NRXN3: variants seen among roughly 807,000 people sequenced by gnomAD.
NRXN3 encodes the protein neurexin III.
Under a neutral mutation model 137.6 loss-of-function variants are expected in NRXN3, and 32 were observed. The ratio of observed to expected loss-of-function variants is 0.23; its 90% confidence interval spans 0.18 to 0.31. The LOEUF is 0.31. NRXN3 is among the 10% of genes least tolerant of loss of function. NRXN3 has a pLI of 1.00. For synonymous variants in NRXN3, 798 were observed against 784.5 expected, an observed-to-expected ratio of 1.02 and a Z score of -0.29; for missense variants, 1,574 against 2,062.5, an observed-to-expected ratio of 0.76 and a Z score of 4.59.
intron 16 of NRXN3, among the ~76,000 whole-genome samples, chr14:79,483,144 T>C (rs1600959650): frequency 6.6e-6 from 1 of 152,226 alleles, no homozygotes; most frequent in Non-Finnish European, 1.5e-5. Context: ...GCTAGGTCTT[T>C]GCAGAGATTC....
At chr14:78,309,739 A>G (rs1336051096) in intron 4 of NRXN3, among the ~76,000 whole-genome samples, 6 of 152,290 alleles carry the variant, frequency 3.9e-5, no homozygotes, top group Admixed American at 3.3e-4. Flanking sequence ...ATTTTGGATG[A>G]AAATAGCTAG....
chr14:79,460,198 T>G (rs954549013), intron 15 of NRXN3, among the ~76,000 whole-genome samples: 2 of 152,138 alleles, frequency 1.3e-5, no homozygotes, highest in Non-Finnish European at 2.9e-5. Flanking sequence ...ATCGCAATAG[T>G]TGGCATCAGA....
intron 4 of NRXN3, among the ~76,000 whole-genome samples, chr14:78,534,683 G>A (rs1048060847): frequency 5.3e-5 from 8 of 152,092 alleles, no homozygotes; most frequent in Admixed American, 4.6e-4. Flanking sequence ...CCAGATTCTG[G>A]TGTAGAGTTC....
Position 78,615,922 on chromosome 14 carries a change from T to TTC in NRXN3, c.758-29198_758-29197insTC, listed in dbSNP as rs2097343482. On this transcript the variant is annotated intron_variant, in intron 4 of 20. Transcript: ENST00000335750. ...CTGAAGTAAGCTATGATTAAATCAC[T>TTC]ATACTCCAGCCTGGGTGACAAAGCA... is the stretch of plus-strand genomic sequence containing the variant. Among the ~76,000 whole-genome samples the TTC allele has an allele frequency of 2.0e-5, 3 of 152,312 alleles. No homozygotes were observed. In the South Asian group the frequency reaches 6.2e-4, roughly 32 times the overall value.
intron 19 of NRXN3, among the ~76,000 whole-genome samples, chr14:79,753,469 G>A (rs1012918055): frequency 6.7e-6 from 1 of 148,154 alleles, no homozygotes; most frequent in African/African-American, 2.5e-5. Context: ...CTATCGCAAG[G>A]ACAAAAAACA....
chr14:78,486,668 C>A (rs2095564519), intron 4 of NRXN3, among the ~76,000 whole-genome samples: 1 of 152,106 alleles, frequency 6.6e-6, no homozygotes, highest in African/African-American at 2.4e-5. Flanking sequence ...AAATGAGACC[C>A]TAAATCTGGT....
At chr14:79,336,753 C>T (rs950613293) in intron 15 of NRXN3, among the ~76,000 whole-genome samples, 2 of 152,196 alleles carry the variant, frequency 1.3e-5, no homozygotes, top group Non-Finnish European at 2.9e-5. Flanking sequence ...TCTTTCAACT[C>T]CTAAGGCATA....
intron 4 of NRXN3, among the ~76,000 whole-genome samples, chr14:78,324,184 C>G (rs975489802): frequency 2.0e-5 from 3 of 152,066 alleles, no homozygotes; most frequent in African/African-American, 7.3e-5. Flanking sequence ...GTCTTTTCAT[C>G]TGTATTATGG....
chr14:78,174,724 G>A (rs1265394663), intron 1 of NRXN3, among the ~76,000 whole-genome samples: 1 of 152,170 alleles, frequency 6.6e-6, no homozygotes. Context: ...AGCAGGGATG[G>A]TCAGTGGGGA....
intron 19 of NRXN3, among the ~76,000 whole-genome samples, chr14:79,779,586 G>C (rs555440072): frequency 2.6e-5 from 4 of 152,214 alleles, no homozygotes; most frequent in African/African-American, 9.6e-5. Flanking sequence ...CACCACTGTA[G>C]CACATGATCA....
intron 4 of NRXN3, among the ~76,000 whole-genome samples, chr14:78,394,407 A>G (rs376270330): frequency 6.6e-6 from 1 of 151,944 alleles, no homozygotes; most frequent in African/African-American, 2.4e-5. Flanking sequence ...AACAACTTGC[A>G]TCCTTGGAGT....
At chr14:78,859,702 G>A (rs369203248) in intron 10 of NRXN3, among the ~76,000 whole-genome samples, 1 of 151,936 alleles carries the variant, frequency 6.6e-6, no homozygotes, top group African/African-American at 2.4e-5. Context: ...ATCATCTCCC[G>A]AGATACTAGA....
chr14:79,656,497 G>A (rs558654988), intron 16 of NRXN3, among the ~76,000 whole-genome samples: 15 of 152,256 alleles, frequency 9.9e-5, no homozygotes, highest in Non-Finnish European at 1.8e-4. Context: ...ACTTAGAGCC[G>A]TGGTAGCTTT....
chr14:78,775,262 A>C (rs1434066857), intron 8 of NRXN3, among the ~76,000 whole-genome samples: 5 of 152,178 alleles, frequency 3.3e-5, no homozygotes, highest in Non-Finnish European at 7.3e-5. Flanking sequence ...ACATATATAC[A>C]AAGTTTAGTT....
intron 15 of NRXN3, among the ~76,000 whole-genome samples, chr14:79,364,911 A>T (rs2093823451): frequency 6.6e-6 from 1 of 152,168 alleles, no homozygotes; most frequent in South Asian, 2.1e-4. Flanking sequence ...TACTATTCAA[A>T]AATCCCCAAA....
rs28377795 is a variant in NRXN3 at position 79,269,630 on chromosome 14, A to T, written c.3263-197591A>T. 7.6e-3 allele frequency among the ~76,000 whole-genome samples: 1,156 copies of T among 152,158 alleles called. 17 individuals carry two copies. Among genetic ancestry groups the T allele is most frequent in the African/African-American group, 0.026 (1,097 of 41,496 alleles). ...AGGCTACACGTCTTTATTTAGGGTG[A>T]TTCATTTTTATTTATGTTTAGCCCA... On this transcript the variant is annotated intron_variant, in intron 15 of 20. Transcript: ENST00000335750.
intron 16 of NRXN3, among the ~76,000 whole-genome samples, chr14:79,603,064 T>G (rs1307142331): frequency 6.6e-6 from 1 of 152,214 alleles, no homozygotes. Flanking sequence ...TGGAATCCAG[T>G]TCTCTTTCAG....
At chr14:78,170,833 G>A (rs1004971737) in intron 1 of NRXN3, among the ~76,000 whole-genome samples, 159 bp downstream of exon 1, 1 of 152,176 alleles carries the variant, frequency 6.6e-6, no homozygotes, top group African/African-American at 2.4e-5. Context: ...AGCCTTGGCT[G>A]ACTGTGGAAA....
At chr14:79,811,739 G>A (rs904755075) in intron 20 of NRXN3, among the ~76,000 whole-genome samples, 1 of 151,368 alleles carries the variant, frequency 6.6e-6, no homozygotes, top group African/African-American at 2.4e-5. Context: ...CCGCCACCAC[G>A]CCCGGCTAAT....
Sources: allele counts gnomAD v4.1 joint callset (sites outside exome capture counted in the v4.1 genomes callset), GRCh38; gene constraint gnomAD v4.1.1; transcripts MANE v1.5; gene names NCBI Gene and HGNC (gene_info 2026-07-23, HGNC 2026-07-21).